Variants in AKAP9 observed in about 807,000 individuals in gnomAD.
The protein encoded by AKAP9 is A-kinase anchoring protein 9, also known as A-kinase anchor protein 9.
In AKAP9, 311 loss-of-function variants were observed where a neutral mutation model predicts 488.5. The ratio of observed to expected loss-of-function variants is 0.64; its 90% CI spans 0.58 to 0.70. The LOEUF is 0.70. Ranked by LOEUF, AKAP9 falls within the 30% of genes least tolerant of loss-of-function variation. The probability of loss-of-function intolerance (pLI) is 0.00; values close to 1 mark genes in which losing one functional copy is unlikely to be tolerated. For missense variants in AKAP9, 4,215 were observed against 4,374.5 expected, an observed-to-expected ratio of 0.96 and a Z score of 1.03; for synonymous variants, 1,462 against 1,483.5, an observed-to-expected ratio of 0.99 and a Z score of 0.33.
At position 91,992,228 on chromosome 7, in the gene AKAP9, T is replaced by C. The variant is rs1484724697; in HGVS notation, c.405+17T>C. 1 of 1,549,906 alleles carries C rather than the reference T, an allele frequency of 6.5e-7. No homozygotes were observed. Among genetic ancestry groups the C allele is most frequent in the African/African-American group, 1.4e-5 (1 of 73,608 alleles). The stretch of plus-strand genomic sequence containing the variant: ...TTATTAAGGGTACAGTATTTAAAAC[T>C]ACTTGTGATACTAATGTTGGATACT... On this transcript the variant is annotated intron_variant, in intron 4 of 49. Coordinates refer to ENST00000356239, the MANE Select transcript of AKAP9 (RefSeq NM_005751.5).
At chr7:91,960,724 C>T (rs1444857544) in intron 1 of AKAP9, among the ~76,000 whole-genome samples, 2 of 152,088 alleles carry the variant, frequency 1.3e-5, no homozygotes, top group South Asian at 2.1e-4. Context: ...TCTTTTATTC[C>T]TCACTACATG....
At chr7:92,082,792 G>C (rs1344603846) in intron 32 of AKAP9, 130 bp downstream of exon 32, 8 of 1,128,652 alleles carry the variant, frequency 7.1e-6, no homozygotes, top group Non-Finnish European at 1.0e-5. Flanking sequence ...TTGTGGATTT[G>C]ATGAAAACTT....
At chr7:91,981,811 G>T (rs1796448899) in intron 3 of AKAP9, among the ~76,000 whole-genome samples, 1 of 151,812 alleles carries the variant, frequency 6.6e-6, no homozygotes, top group Non-Finnish European at 1.5e-5. Flanking sequence ...TCACCATCTT[G>T]GCCAGGCTGG....
rs1295666983 is a variant in AKAP9, at chr7:92,096,627, A to G, written c.9730-62A>G. Reference sequence around the variant, plus strand: ...GCTGGGATTACAGGCGTGAGCCACCACGCCCGGCCAAGTATTTTTAATAAT... The same window carrying G: ...GCTGGGATTACAGGCGTGAGCCACCGCGCCCGGCCAAGTATTTTTAATAAT... On this transcript the variant is annotated intron_variant, in intron 40 of 49. Transcript: ENST00000356239. The G allele has an allele frequency of 2.5e-6, 4 of 1,597,066 alleles. No individual in the cohort carries two copies. The African/African-American group carries it at 5.4e-5, about 22-fold the overall frequency.
At chr7:91,993,793 A>G (rs1333598986) in intron 5 of AKAP9, among the ~76,000 whole-genome samples, 1 of 152,232 alleles carries the variant, frequency 6.6e-6, no homozygotes, top group Non-Finnish European at 1.5e-5. Context: ...AGAGAAAATT[A>G]TGGTGCAAAC....
chr7:92,055,590 A>G, intron 22 of AKAP9, among the ~76,000 whole-genome samples: 1 of 152,106 alleles, frequency 6.6e-6, no homozygotes, highest in East Asian at 1.9e-4. Context: ...AATAGCCTTC[A>G]AATATACATT....
chr7:92,002,299 T>A lies in AKAP9; in HGVS notation c.2382T>A (p.His794Gln). 1.9e-6 allele frequency: 3 copies of A among 1,612,776 alleles called. No homozygotes were observed. Among genetic ancestry groups the A allele is most frequent in the Non-Finnish European group, 2.5e-6 (3 of 1,179,238 alleles). The change falls in exon 8 of 50, where the codon CAT becomes CAA. Residue 794 changes from histidine to glutamine, a missense_variant. This residue lies in a region of AKAP9 where 2,361 missense variants were observed against 2,430.0 expected (regional missense o/e 0.97). Coordinates refer to ENST00000356239, the MANE Select transcript of AKAP9 (RefSeq NM_005751.5). ...KKTLEDMLKI[H>Q]TPVSQEERLI... ...CCCTTGAAGACATGTTGAAAATACA[T>A]ACTCCTGTTAGCCAAGAAGAAAGAT...
chr7:92,042,552 T>C lies in AKAP9; in HGVS notation c.5059-116T>C, dbSNP rs963191001. The stretch of plus-strand genomic sequence containing the variant: ...ATATTATACCAACCAGTATCAATTT[T>C]GTGCACAGAGGTTTCTATTTTATCT... On this transcript the variant is annotated intron_variant, in intron 19 of 49. Coordinates refer to ENST00000356239, the MANE Select transcript of AKAP9 (RefSeq NM_005751.5). 5.6e-6 allele frequency: 4 copies of C among 718,006 alleles called. No homozygotes were observed. The African/African-American group carries it at 7.1e-5, about 13-fold the overall frequency. 44.5% of individuals were successfully genotyped at this position (718,006 alleles called of 1,614,324 possible).
At chr7:91,950,515 C>A (rs1019865298) in intron 1 of AKAP9, among the ~76,000 whole-genome samples, 1 of 152,200 alleles carries the variant, frequency 6.6e-6, no homozygotes, top group Non-Finnish European at 1.5e-5. Context: ...CAGGCGTGAG[C>A]CACAACGTCC....
In AKAP9 at chr7:92,083,612, G is replaced by A; in HGVS notation, c.8603G>A (p.Cys2868Tyr). ...YVAVQLLKEECGTLKAVIQCL... is the reference protein window; with the variant it reads ...YVAVQLLKEEYGTLKAVIQCL... ...GCCGTTCAGTTACTGAAAGAGGAAT[G>A]TGGTACCTTGAAGGCAGTGATACAG... is the stretch of plus-strand genomic sequence containing the variant. Residue 2868 changes from cysteine (C) to tyrosine (Y), a missense_variant, in exon 33 of 50, where the codon TGT becomes TAT. By Grantham distance (194) the Cys-to-Tyr change is radical. Around this residue, in one of 5 missense-constraint regions of AKAP9, gnomAD observed 1,476 missense variants for 1,477.4 expected, o/e 1.00. Transcript: ENST00000356239. 26 of 1,607,014 alleles carry A rather than the reference G, an allele frequency of 1.6e-5. No homozygotes were observed. The highest frequency in any genetic ancestry group is 1.9e-5 in the Non-Finnish European group (22 of 1,178,176).
At chr7:91,992,505 A>C (rs949230334) in intron 4 of AKAP9, among the ~76,000 whole-genome samples, 44 of 151,970 alleles carry the variant, frequency 2.9e-4, no homozygotes, top group African/African-American at 9.9e-4. Flanking sequence ...CTCTACTATA[A>C]GTACAAAAAT....
At chr7:92,089,029 A>G (rs1245552071) in intron 37 of AKAP9, among the ~76,000 whole-genome samples, 1 of 152,180 alleles carries the variant, frequency 6.6e-6, no homozygotes, top group African/African-American at 2.4e-5. Flanking sequence ...TGAAAGACAA[A>G]GAAAGACTTG....
intron 1 of AKAP9, chr7:91,970,355 C>T (rs927703647): frequency 2.0e-5 from 7 of 347,012 alleles, no homozygotes; most frequent in Admixed American, 1.1e-4. Context: ...TATGAGTGGG[C>T]GCTACACCAC....
Position 91,968,640 on chromosome 7 carries a change from G to A in AKAP9, c.49-5071G>A, listed in dbSNP as rs114522439. 2.8e-3 allele frequency among the ~76,000 whole-genome samples: 420 copies of A among 152,044 alleles called. 1 individual carries two copies. Among genetic ancestry groups the A allele is most frequent in the African/African-American group, 9.8e-3 (406 of 41,484 alleles). ...TATTTCCTTTCTTCTACTAATTTTG[G>A]GTTTGGTTTGTTCTTGGTTTTCTAG... On this transcript the variant is annotated intron_variant, in intron 1 of 49. Transcript: ENST00000356239.
chr7:92,017,295 C>G (rs1801649484), intron 12 of AKAP9, among the ~76,000 whole-genome samples, 193 bp downstream of exon 12: 1 of 151,722 alleles, frequency 6.6e-6, no homozygotes, highest in Non-Finnish European at 1.5e-5. Flanking sequence ...GAATAATAAC[C>G]CCTTTAGAGA....
chr7:92,098,276 A>G, intron 43 of AKAP9, 62 bp downstream of exon 43: 1 of 976,574 alleles, frequency 1.0e-6, no homozygotes, highest in Non-Finnish European at 1.6e-6. Context: ...GAAACTGGAT[A>G]ATTTGAAACT....
At chr7:92,074,217 A>G (rs905564236) in intron 28 of AKAP9, among the ~76,000 whole-genome samples, 1 of 152,234 alleles carries the variant, frequency 6.6e-6, no homozygotes, top group African/African-American at 2.4e-5. Context: ...ATACGAACAG[A>G]CACTTCTCAA....
chr7:91,983,562 T>C (rs1003069537), intron 3 of AKAP9, among the ~76,000 whole-genome samples: 2 of 152,244 alleles, frequency 1.3e-5, no homozygotes, highest in Non-Finnish European at 2.9e-5. Flanking sequence ...TTTGGGTATA[T>C]ACCCAGTAAT....
intron 40 of AKAP9, among the ~76,000 whole-genome samples, chr7:92,095,756 G>A (rs1219572628): frequency 6.6e-6 from 1 of 152,134 alleles, no homozygotes; most frequent in African/African-American, 2.4e-5. Context: ...CTAACTCTGT[G>A]CTGAAAAACA....
Sources: gnomAD v4.1 joint callset for allele counts (sites outside exome capture counted in the v4.1 genomes callset) on GRCh38, gnomAD v4.1.1 for gene constraint, gnomAD v4.1.1 regional missense constraint, MANE v1.5 for transcripts, NCBI Gene and HGNC (gene_info 2026-07-23, HGNC 2026-07-21) for gene names.